Variants in CFAP54 observed in about 807,000 individuals in gnomAD.
CFAP54 encodes the protein cilia- and flagella-associated protein 54.
In CFAP54, 290 loss-of-function variants were observed where a neutral mutation model predicts 370.4. The observed-to-expected ratio is 0.78, with a 90% CI of 0.71 to 0.86. The LOEUF is 0.86. Ranked by LOEUF, CFAP54 falls within the 40% of genes least tolerant of loss-of-function variation. The probability of loss-of-function intolerance (pLI) is 0.00; values close to 1 mark genes in which losing one functional copy is unlikely to be tolerated. For synonymous variants in CFAP54, 1,206 were observed against 1,236.5 expected (o/e 0.98, Z 0.52); for missense variants, 3,399 against 3,528.7 (o/e 0.96, Z 0.93).
At chr12:96,571,089 G>T (rs1399291687) in intron 19 of CFAP54, among the ~76,000 whole-genome samples, 1 of 152,126 alleles carries the variant, frequency 6.6e-6, no homozygotes, top group African/African-American at 2.4e-5. Flanking sequence ...TTCCAGTCCT[G>T]TGATAGTTGA....
At chr12:96,810,161 T>C (rs1246583703) in intron 63 of CFAP54, among the ~76,000 whole-genome samples, 2 of 151,956 alleles carry the variant, frequency 1.3e-5, no homozygotes, top group Non-Finnish European at 2.9e-5. Flanking sequence ...TAAAGGTACC[T>C]GAGCCTCCAG....
At chr12:96,744,678 G>C (rs1565962557) in intron 55 of CFAP54, among the ~76,000 whole-genome samples, 1 of 152,094 alleles carries the variant, frequency 6.6e-6, no homozygotes, top group Non-Finnish European at 1.5e-5. Context: ...CAAAAAAATA[G>C]TTTATTTTTT....
chr12:96,703,495 G>A lies in CFAP54; in HGVS notation c.6475-1248G>A, dbSNP rs138924025. Among the ~76,000 whole-genome samples, 19 of 152,118 alleles carry A rather than the reference G, an allele frequency of 1.2e-4. No homozygotes were observed. The East Asian group carries it at 3.7e-3, about 29-fold the overall frequency. On this transcript the variant is annotated intron_variant, in intron 46 of 67. Coordinates refer to ENST00000524981, the MANE Select transcript of CFAP54 (RefSeq NM_001306084.2). ...GGTGACCAAGGGGGATGAGGGAGGG[G>A]CAAAGGGACATCGCTGTTGGATTCT...
intron 51 of CFAP54, among the ~76,000 whole-genome samples, chr12:96,741,287 C>A (rs922909093): frequency 6.6e-6 from 1 of 152,132 alleles, no homozygotes; most frequent in African/African-American, 2.4e-5. Context: ...CTGACTCAGC[C>A]TCCTGAGTAG....
chr12:96,576,737 T>A lies in CFAP54; in HGVS notation c.2772T>A (p.Pro924=), dbSNP rs1456993991. 6.5e-7 allele frequency: 1 copy of A among 1,535,308 alleles called. No homozygotes were observed. The change falls in exon 20 of 68, where the codon CCT becomes CCA. Residue 924 remains proline (P), a synonymous_variant. Coordinates refer to ENST00000524981, the MANE Select transcript of CFAP54 (RefSeq NM_001306084.2). ...CTCATTGTTCTGTGACACTCAAACC[T>A]GCTCCATTTACTTCAGAGGTTAAGG... ...SRTHCSVTLK[P]APFTSEVKVS...
intron 1 of CFAP54, among the ~76,000 whole-genome samples, chr12:96,490,918 T>C (rs1380400749): frequency 6.6e-6 from 1 of 151,780 alleles, no homozygotes. Context: ...AGATGACTGC[T>C]AGGGAGAAAA....
intron 26 of CFAP54, among the ~76,000 whole-genome samples, chr12:96,612,305 G>C (rs572990592): frequency 4.1e-4 from 52 of 126,922 alleles, no homozygotes; most frequent in Non-Finnish European, 8.6e-4. Context: ...ATAAGTGAAG[G>C]AAAAATAAAA....
At chr12:96,869,618 G>A (rs1960096520) in intron 67 of CFAP54, among the ~76,000 whole-genome samples, 1 of 152,046 alleles carries the variant, frequency 6.6e-6, no homozygotes, top group African/African-American at 2.4e-5. Context: ...TAGTTGAGTT[G>A]GAATTATAAT....
intron 4 of CFAP54, among the ~76,000 whole-genome samples, chr12:96,508,928 T>A (rs1355922780): frequency 1.3e-5 from 2 of 152,156 alleles, no homozygotes; most frequent in Non-Finnish European, 2.9e-5. Context: ...GTGCGAGAGT[T>A]TTCTGGGATC....
intron 38 of CFAP54, among the ~76,000 whole-genome samples, chr12:96,661,429 G>A (rs913083717): frequency 6.6e-6 from 1 of 152,138 alleles, no homozygotes; most frequent in African/African-American, 2.4e-5. Context: ...CAAGAATTTG[G>A]CTTATATGAT....
At chr12:96,617,319 G>T (rs1423327281) in intron 26 of CFAP54, among the ~76,000 whole-genome samples, 1 of 152,220 alleles carries the variant, frequency 6.6e-6, no homozygotes, top group Non-Finnish European at 1.5e-5. Context: ...TTAGTATCAG[G>T]ACTGCAATTG....
At position 96,704,613 on chromosome 12, in the gene CFAP54, C is replaced by A. The variant is rs533115292; in HGVS notation, c.6475-130C>A. On this transcript the variant is annotated intron_variant, in intron 46 of 67. Coordinates refer to ENST00000524981, the MANE Select transcript of CFAP54 (RefSeq NM_001306084.2). The stretch of plus-strand genomic sequence containing the variant: ...TTACTTTATACAATACTTATCTTTT[C>A]TGACTAGAGCATAAATTACTTTTCC... 5.5e-5 allele frequency: 17 copies of A among 308,668 alleles called. No individual in the cohort carries two copies. The East Asian group carries it at 1.2e-3, about 22-fold the overall frequency. 19.1% of individuals were successfully genotyped at this position (308,668 alleles called of 1,614,324 possible). A position where few individuals can be genotyped will look rare whatever the true frequency, so the allele number is the denominator to read the frequency against.
intron 30 of CFAP54, among the ~76,000 whole-genome samples, chr12:96,627,865 C>T (rs1297245078): frequency 6.6e-6 from 1 of 152,074 alleles, no homozygotes; most frequent in African/African-American, 2.4e-5. Context: ...AGTGTACAGG[C>T]AAATGTGGAG....
At chr12:96,515,761 A>C (rs1389359818) in intron 5 of CFAP54, among the ~76,000 whole-genome samples, 1 of 152,038 alleles carries the variant, frequency 6.6e-6, no homozygotes, top group South Asian at 2.1e-4. Context: ...GGTCCTGTGA[A>C]AGGCTTATGA....
intron 50 of CFAP54, among the ~76,000 whole-genome samples, chr12:96,737,065 A>G (rs1335143587): frequency 6.6e-6 from 1 of 152,232 alleles, no homozygotes; most frequent in Non-Finnish European, 1.5e-5. Flanking sequence ...CCACATTCAA[A>G]ATGCCTGAGG....
intron 66 of CFAP54, among the ~76,000 whole-genome samples, chr12:96,854,059 G>A (rs1167609808): frequency 6.6e-6 from 1 of 151,726 alleles, no homozygotes; most frequent in Admixed American, 6.6e-5. Flanking sequence ...CACAATGAAA[G>A]CAATAGAGCA....
At chr12:96,597,502 AAAGAG>A in intron 25 of CFAP54, among the ~76,000 whole-genome samples, 1 of 152,130 alleles carries the variant, frequency 6.6e-6, no homozygotes, top group East Asian at 1.9e-4. Context: ...AGCTGGTGAC[AAAGAG>A]AAGTAACAGT....
chr12:96,598,648 C>T lies in CFAP54; in HGVS notation c.3520C>T (p.Leu1174=). 1 of 616,114 alleles carries T rather than the reference C, an allele frequency of 1.6e-6. No homozygotes were observed. The highest frequency in any genetic ancestry group is 2.9e-6 in the Non-Finnish European group (1 of 341,144). The allele number at this position is 616,114 out of a possible 1,614,324, so 38.2% of individuals were successfully genotyped here. ...NIVLVPVVQI[L]IKCIVVLQGL... Reference sequence around the variant, plus strand: ...TCATTGTGATTCTAATTTTTAGATCCTGATAAAGTGTATAGTGGTTTTGCA... The same window carrying T: ...TCATTGTGATTCTAATTTTTAGATCTTGATAAAGTGTATAGTGGTTTTGCA... The change falls in exon 26 of 68, where the codon CTG becomes TTG. Residue 1174 remains leucine (L), a synonymous_variant. Transcript: ENST00000524981.
chr12:96,664,725 CTATA>C (rs199537312), intron 39 of CFAP54, among the ~76,000 whole-genome samples: 987 of 72,328 alleles, frequency 0.014, 36 homozygotes, highest in East Asian at 0.086. Flanking sequence ...CTATATATAT[CTATA>C]TATATATATC....
Sources: allele counts gnomAD v4.1 joint callset (sites outside exome capture counted in the v4.1 genomes callset), GRCh38; gene constraint gnomAD v4.1.1; transcripts MANE v1.5; gene names NCBI Gene and HGNC (gene_info 2026-07-23, HGNC 2026-07-21).